The following DPP10 variants were observed in gnomAD, a reference collection of about 807,000 sequenced individuals.
DPP10 encodes the protein inactive dipeptidyl peptidase 10.
DPP10 carries 33 observed loss-of-function variants against 120.9 expected under a neutral mutation model. The observed-to-expected ratio is 0.27, with a 90% CI of 0.21 to 0.37. DPP10 has a LOEUF of 0.37. DPP10 is among the 10% of genes least tolerant of loss of function. The pLI, the probability that DPP10 is intolerant of heterozygous loss-of-function variation, is 1.00. For missense variants in DPP10, 816 were observed against 942.8 expected, an observed-to-expected ratio of 0.87 and a Z score of 1.76; for synonymous variants, 337 against 326.1, an observed-to-expected ratio of 1.03 and a Z score of -0.36.
intron 1 of DPP10, among the ~76,000 whole-genome samples, chr2:114,556,885 G>C (rs1688356576): frequency 6.6e-6 from 1 of 152,124 alleles, no homozygotes; most frequent in Non-Finnish European, 1.5e-5. Context: ...TTTTCCTTGA[G>C]AAGGGATACA....
rs527263133 is a variant in DPP10, at chr2:115,111,465, A to G, written c.61-197774A>G. On this transcript the variant is annotated intron_variant, in intron 1 of 25. Transcript: ENST00000410059. ...CTGGCCTGTGGAACACTCATAACAA[A>G]GGCCTCAACTGATTTCACAGGGAAT... 7.0e-4 allele frequency among the ~76,000 whole-genome samples: 106 copies of G among 152,220 alleles called. 3 individuals carry two copies. The South Asian group carries it at 0.021, about 30-fold the overall frequency.
rs150979915 is a variant in DPP10 at position 115,105,748 on chromosome 2, C to T, written c.61-203491C>T. ...CTATTAAGTTAATATAAATCCTAGG[C>T]AAATAAATTATTTATATTTTCTAAC... On this transcript the variant is annotated intron_variant, in intron 1 of 25. Transcript: ENST00000410059. Among the ~76,000 whole-genome samples, 22 of 152,218 alleles carry T rather than the reference C, an allele frequency of 1.4e-4. 3 individuals are homozygous for T. Among genetic ancestry groups the T allele is most frequent in the African/African-American group, 5.3e-4 (22 of 41,540 alleles).
At chr2:114,619,508 A>G (rs1693930557) in intron 1 of DPP10, among the ~76,000 whole-genome samples, 1 of 151,786 alleles carries the variant, frequency 6.6e-6, no homozygotes, top group African/African-American at 2.4e-5. Context: ...ATTTTGCCTC[A>G]TGCATCAAAA....
chr2:114,952,448 G>C (rs942634268), intron 1 of DPP10, among the ~76,000 whole-genome samples: 2 of 152,044 alleles, frequency 1.3e-5, no homozygotes, highest in Non-Finnish European at 2.9e-5. Context: ...CAGTAGCCAC[G>C]TGGATTGATA....
intron 3 of DPP10, among the ~76,000 whole-genome samples, chr2:115,417,947 T>C (rs887754312): frequency 6.6e-6 from 1 of 152,210 alleles, no homozygotes; most frequent in Non-Finnish European, 1.5e-5. Context: ...ATGGGCATTG[T>C]TGCCCTAATG....
chr2:115,787,884 C>T (rs1297359546), intron 17 of DPP10, among the ~76,000 whole-genome samples: 1 of 152,072 alleles, frequency 6.6e-6, no homozygotes, highest in Non-Finnish European at 1.5e-5. Context: ...CTACAGACAT[C>T]TCATCAGAAA....
chr2:115,329,813 C>T (rs1370475948), intron 2 of DPP10, among the ~76,000 whole-genome samples: 2 of 152,156 alleles, frequency 1.3e-5, no homozygotes, highest in African/African-American at 4.8e-5. Flanking sequence ...ATATGTACCA[C>T]ATTTTCTTAA....
At chr2:114,782,328 AAT>A (rs3036347) in intron 1 of DPP10, among the ~76,000 whole-genome samples, 58,316 of 148,194 alleles carry the variant, frequency 0.39, 12,841 homozygotes, top group African/African-American at 0.61. Context: ...AAACCTGTGG[AAT>A]ATATATATAT....
intron 3 of DPP10, among the ~76,000 whole-genome samples, chr2:115,372,242 A>T (rs1441797792): frequency 2.0e-5 from 3 of 152,190 alleles, no homozygotes. Flanking sequence ...TTCATAATGA[A>T]GTAAGAAAAA....
chr2:115,317,166 C>T (rs1487274836), intron 2 of DPP10, among the ~76,000 whole-genome samples: 1 of 152,006 alleles, frequency 6.6e-6, no homozygotes, highest in East Asian at 1.9e-4. Flanking sequence ...AGCAGTTGCT[C>T]CTCATATCCC....
chr2:114,669,267 T>C (rs1047844365), intron 1 of DPP10, among the ~76,000 whole-genome samples: 4 of 152,194 alleles, frequency 2.6e-5, no homozygotes, highest in African/African-American at 9.6e-5. Flanking sequence ...GCTACCCTAA[T>C]TTCAGCAATG....
chr2:114,588,786 C>CA (rs1207848814), intron 1 of DPP10, among the ~76,000 whole-genome samples: 2 of 152,064 alleles, frequency 1.3e-5, no homozygotes, highest in Non-Finnish European at 2.9e-5. Context: ...TGGTTGAGTG[C>CA]AAATTGAAGG....
chr2:115,813,182 C>A (rs1263470932), intron 19 of DPP10, among the ~76,000 whole-genome samples: 1 of 146,586 alleles, frequency 6.8e-6, no homozygotes, highest in Non-Finnish European at 1.5e-5. Flanking sequence ...GGGGTTTCAC[C>A]TTGTTAGCCA....
At chr2:114,579,023 A>G (rs1690280775) in intron 1 of DPP10, among the ~76,000 whole-genome samples, 1 of 152,170 alleles carries the variant, frequency 6.6e-6, no homozygotes. Context: ...GTCACCCCAC[A>G]CTGGAGACTG....
At chr2:115,525,767 A>G in intron 4 of DPP10, 131 bp from the exon 5 acceptor site, 1 of 638,764 alleles carries the variant, frequency 1.6e-6, no homozygotes, top group South Asian at 2.1e-5. Context: ...ACATGCAAAT[A>G]TGTATACAAT....
At chr2:114,875,121 C>T (rs768365909) in intron 1 of DPP10, among the ~76,000 whole-genome samples, 4 of 152,230 alleles carry the variant, frequency 2.6e-5, no homozygotes, top group Non-Finnish European at 4.4e-5. Context: ...CTTGCCTTTA[C>T]TTGTACACTC....
At chr2:114,596,472 A>G (rs907218450) in intron 1 of DPP10, among the ~76,000 whole-genome samples, 1 of 152,116 alleles carries the variant, frequency 6.6e-6, no homozygotes, top group African/African-American at 2.4e-5. Flanking sequence ...AACCAGAAGT[A>G]ACATACATGC....
chr2:115,709,911 A>G (rs888335825), intron 7 of DPP10, among the ~76,000 whole-genome samples: 1 of 152,072 alleles, frequency 6.6e-6, no homozygotes, highest in East Asian at 1.9e-4. Context: ...AAAAAACACA[A>G]ATTTACATAT....
At chr2:115,490,460 G>C (rs1045211363) in intron 3 of DPP10, among the ~76,000 whole-genome samples, 1 of 152,118 alleles carries the variant, frequency 6.6e-6, no homozygotes, top group Non-Finnish European at 1.5e-5. Flanking sequence ...AATTCAAGAT[G>C]AGATTTGGGT....
Sources: allele counts gnomAD v4.1 joint callset (sites outside exome capture counted in the v4.1 genomes callset), GRCh38; gene constraint gnomAD v4.1.1; transcripts MANE v1.5; gene names NCBI Gene and HGNC (gene_info 2026-07-23, HGNC 2026-07-21).